The following ATR variants were observed in gnomAD, a reference collection of about 807,000 sequenced individuals.
ATR encodes serine/threonine-protein kinase ATR.
In ATR, 142 loss-of-function variants were observed where a neutral mutation model predicts 305.3. That is an observed-to-expected ratio of 0.47 (90% CI 0.41 to 0.53). ATR has a LOEUF of 0.53. Ranked by LOEUF, ATR falls within the 20% of genes least tolerant of loss-of-function variation. ATR has a pLI of 0.00. For missense variants in ATR, 2,135 were observed against 3,133.1 expected (o/e 0.68, Z 7.60); for synonymous variants, 1,050 against 1,068.1 (o/e 0.98, Z 0.33).
At chr3:142,478,588 T>C (rs2030110601) in intron 36 of ATR, among the ~76,000 whole-genome samples, 1 of 152,228 alleles carries the variant, frequency 6.6e-6, no homozygotes, top group African/African-American at 2.4e-5. Context: ...TGGAGAGTTC[T>C]GTAGATGTCT....
At chr3:142,519,946 G>GT (rs2033074045) in intron 23 of ATR, among the ~76,000 whole-genome samples, 162 bp from the exon 24 acceptor site, 1 of 151,910 alleles carries the variant, frequency 6.6e-6, no homozygotes, top group African/African-American at 2.4e-5. Context: ...TTGTCTGTTT[G>GT]TTTTTTTAGA....
At chr3:142,542,925 T>C (rs1009593093) in intron 16 of ATR, among the ~76,000 whole-genome samples, 168 bp from the exon 17 acceptor site, 8 of 152,180 alleles carry the variant, frequency 5.3e-5, no homozygotes, top group Admixed American at 2.0e-4. Flanking sequence ...TCTTCACATG[T>C]AGTATTTAAA....
At chr3:142,472,085 TTGTGTGTGTGTGTGTGTGTGTGTG>T (rs34342996) in intron 36 of ATR, 2 of 144,126 alleles carry the variant, frequency 1.4e-5, no homozygotes, top group Admixed American at 1.4e-4. Flanking sequence ...TAGTATTCCA[TTGTGTGTGTGTGTGTGTGTGTGTG>T]TGTGTGTGTG....
At position 142,555,976 on chromosome 3, in the gene ATR, T is replaced by C. The variant is rs879255363; in HGVS notation, c.2242A>G (p.Thr748Ala). Residue 748 changes from threonine (T) to alanine (A), a missense_variant, in exon 10 of 47, where the codon ACT becomes GCT. Transcript: ENST00000350721. ...GAAGATGAACATTCATGTTGAGAAGTGGCTTTCAAGTTCCTACAGAAGAGG... is the reference window on the plus strand; with the variant it reads ...GAAGATGAACATTCATGTTGAGAAGCGGCTTTCAAGTTCCTACAGAAGAGG... ...VDLFCRNLKA[T>A]SQHECSSSQL... The C allele has an allele frequency of 6.2e-7, 1 of 1,614,006 alleles. No homozygotes were observed. The highest frequency in any genetic ancestry group is 1.3e-5 in the African/African-American group (1 of 75,038).
chr3:142,549,029 CA>C (rs1236888080), intron 15 of ATR, among the ~76,000 whole-genome samples: 1 of 149,192 alleles, frequency 6.7e-6, no homozygotes, highest in African/African-American at 2.5e-5. Context: ...AATATGACAC[CA>C]AAAAAAAGAA....
intron 35 of ATR, among the ~76,000 whole-genome samples, chr3:142,489,930 T>C (rs368989636): frequency 8.5e-5 from 13 of 152,330 alleles, no homozygotes; most frequent in African/African-American, 3.1e-4. Context: ...TAGTGTGTAA[T>C]GTGTTATTTC....
chr3:142,527,198 T>C (rs922958198), intron 21 of ATR, among the ~76,000 whole-genome samples: 2 of 152,214 alleles, frequency 1.3e-5, no homozygotes, highest in Non-Finnish European at 2.9e-5. Context: ...TGCTATCTTT[T>C]TTCGGTCTAC....
rs369733744 is a variant in ATR at position 142,498,580 on chromosome 3, T to C, written c.5558+17A>G. On this transcript the variant is annotated intron_variant, in intron 32 of 46. Coordinates refer to ENST00000350721, the MANE Select transcript of ATR (RefSeq NM_001184.4). The stretch of plus-strand genomic sequence containing the variant: ...CATTTATAGGCCAGAAATATAAAAA[T>C]GGAAATTCCAAAATACCTCACAATA... The C allele has an allele frequency of 4.6e-5, 74 of 1,611,426 alleles. No homozygotes were observed. The Middle Eastern group carries it at 1.4e-3, about 31-fold the overall frequency.
At position 142,459,242 on chromosome 3, in the gene ATR, G is replaced by A. The variant is rs2108261342; in HGVS notation, c.7334C>T (p.Pro2445Leu). The A allele has an allele frequency of 6.2e-7, 1 of 1,613,990 alleles. No individual in the cohort carries two copies. The highest frequency in any genetic ancestry group is 8.5e-7 in the Non-Finnish European group (1 of 1,179,894). Reference sequence around the variant, plus strand: ...GGTAACTTACCATGATGTAGGATCAGGGAATGTTCTCAGAAACCACTCATG... The same window carrying A: ...GGTAACTTACCATGATGTAGGATCAAGGAATGTTCTCAGAAACCACTCATG... The part of the protein sequence containing the change: ...IFHEWFLRTF[P>L]DPTSWYSSRS... Residue 2445 changes from proline to leucine, a missense_variant, in exon 43 of 47, where the codon CCT becomes CTT. By Grantham distance (98) the Pro-to-Leu change is moderately conservative. Around this residue, in one of 9 missense-constraint regions of ATR, gnomAD observed 462 missense variants for 887.6 expected, o/e 0.52. Coordinates refer to ENST00000350721, the MANE Select transcript of ATR (RefSeq NM_001184.4).
In ATR at chr3:142,556,382, C is replaced by T. The variant is rs781448117; in HGVS notation, c.2078+1G>A. On this transcript the variant is annotated splice_donor_variant, in intron 9 of 46. Transcript: ENST00000350721. LOFTEE classifies it high-confidence loss of function. The stretch of plus-strand genomic sequence containing the variant: ...ATTCAAATTAAAATCTTAGTACATA[C>T]ATAAGAATCTTGGGAACTCTGTTAC... The T allele has an allele frequency of 1.9e-6, 3 of 1,610,978 alleles. No individual in the cohort carries two copies. The highest frequency in any genetic ancestry group is 2.2e-5 in the South Asian group (2 of 91,010).
At chr3:142,464,742 GAC>G (rs1206648054) in intron 41 of ATR, among the ~76,000 whole-genome samples, 4 of 152,178 alleles carry the variant, frequency 2.6e-5, no homozygotes, top group South Asian at 2.1e-4. Context: ...TTGTTTCATA[GAC>G]ACAGAGTTCC....
Position 142,562,891 on chromosome 3 carries a change from AT to A in ATR, c.510del (p.Glu170AspfsTer6). 1 of 1,613,248 alleles carries A rather than the reference AT, an allele frequency of 6.2e-7. No homozygotes were observed. The highest frequency in any genetic ancestry group is 8.5e-7 in the Non-Finnish European group (1 of 1,179,794). On this transcript the variant is annotated frameshift_variant, in exon 4 of 47. Transcript: ENST00000350721. LOFTEE classifies it high-confidence loss of function. The stretch of plus-strand genomic sequence containing the variant: ...AAAAATCGGCTCATGACCACTGGCC[AT>A]TCCACAGCATGACCCATCACATTTC... Reference protein sequence around the residue: ...HRRNVMGHAVEWPVVMSRFLS... With the variant: ...HRRNVMGHAVXWPVVMSRFLS...
chr3:142,508,825 G>T (rs1164087251), intron 27 of ATR, among the ~76,000 whole-genome samples: 2 of 151,266 alleles, frequency 1.3e-5, no homozygotes, highest in East Asian at 3.9e-4. Context: ...TCGGGGGGCT[G>T]AGGCAGGAGA....
chr3:142,519,586 C>T (rs1363888478), intron 24 of ATR, 83 bp downstream of exon 24: 1 of 1,141,546 alleles, frequency 8.8e-7, no homozygotes, highest in African/African-American at 1.6e-5. Context: ...AGGCGTGAGC[C>T]ACTGCACCCG....
At chr3:142,452,658 A>T in intron 46 of ATR, 1 of 1,006,654 alleles carries the variant, frequency 9.9e-7, no homozygotes, top group Non-Finnish European at 1.2e-6. Context: ...TGGATGACAG[A>T]GCGAGACTCT....
At chr3:142,543,552 C>T (rs941059826) in intron 16 of ATR, among the ~76,000 whole-genome samples, 1 of 151,448 alleles carries the variant, frequency 6.6e-6, no homozygotes, top group Non-Finnish European at 1.5e-5. Context: ...AGGGTTCCTT[C>T]CTTCCTTCCT....
intron 27 of ATR, among the ~76,000 whole-genome samples, chr3:142,510,426 C>T (rs1184444842): frequency 6.6e-6 from 1 of 151,956 alleles, no homozygotes; most frequent in Admixed American, 6.6e-5. Flanking sequence ...ACCACTGCAA[C>T]TCCAGCCTGG....
intron 37 of ATR, among the ~76,000 whole-genome samples, 181 bp downstream of exon 37, chr3:142,469,905 C>T (rs1001671367): frequency 1.3e-5 from 2 of 152,134 alleles, no homozygotes; most frequent in Non-Finnish European, 2.9e-5. Context: ...ATTAAAACTA[C>T]TTTAAAAGTC....
intron 21 of ATR, among the ~76,000 whole-genome samples, chr3:142,526,871 C>CTT (rs1351047721): frequency 6.6e-6 from 1 of 151,868 alleles, no homozygotes; most frequent in Non-Finnish European, 1.5e-5. Context: ...TCACTGCAGC[C>CTT]TCAAACTCCC....
Sources: allele counts gnomAD v4.1 joint callset (sites outside exome capture counted in the v4.1 genomes callset), GRCh38; gene constraint gnomAD v4.1.1; regional missense constraint gnomAD v4.1.1; transcripts MANE v1.5; gene names NCBI Gene and HGNC (gene_info 2026-07-23, HGNC 2026-07-21).